The following PPARA variants were observed in gnomAD, a reference collection of about 807,000 sequenced individuals.
PPARA encodes the protein peroxisome proliferator activated receptor alpha.
Under a neutral mutation model 42.2 loss-of-function variants are expected in PPARA, and 22 were observed. The ratio of observed to expected loss-of-function variants is 0.52; its 90% confidence interval spans 0.37 to 0.74. The LOEUF (loss-of-function observed/expected upper bound fraction) is 0.74, where lower values mean the gene tolerates loss of function less well. Ranked by LOEUF, PPARA falls within the 30% of genes least tolerant of loss-of-function variation. The probability of loss-of-function intolerance (pLI) is 0.00; values close to 1 mark genes in which losing one functional copy is unlikely to be tolerated. For synonymous variants in PPARA, 242 were observed against 239.3 expected, an observed-to-expected ratio of 1.01 and a Z score of -0.10; for missense variants, 465 against 608.2, an observed-to-expected ratio of 0.76 and a Z score of 2.48.
rs4253784 is a variant in PPARA, at chr22:46,160,236, G to A, written c.-127+8266G>A. ...ATGCCTTCAAAGTCCCAGGCTTCAC[G>A]TGGGAACAGAGAATGTGAAGAGTAT... is the stretch of plus-strand genomic sequence containing the variant. On this transcript the variant is annotated intron_variant, in intron 2 of 8. Coordinates refer to ENST00000407236, the MANE Select transcript of PPARA (RefSeq NM_005036.6). This position sits in a 1 kb window ranked among gnomAD's most constrained non-coding sequence, Gnocchi z 4.5. Among the ~76,000 whole-genome samples the A allele has an allele frequency of 1.6e-3, 237 of 152,330 alleles. 1 individual carries two copies. The highest frequency in any genetic ancestry group is 2.8e-3 in the Admixed American group (43 of 15,306).
At chr22:46,214,872 T>TA in intron 4 of PPARA, among the ~76,000 whole-genome samples, 1 of 146,672 alleles carries the variant, frequency 6.8e-6, no homozygotes, top group Non-Finnish European at 1.5e-5. Context: ...GGCCCGGAGA[T>TA]ATGCGGGGCG....
At chr22:46,177,993 C>T (rs1601659086) in intron 3 of PPARA, among the ~76,000 whole-genome samples, 1 of 151,972 alleles carries the variant, frequency 6.6e-6, no homozygotes, top group East Asian at 1.9e-4. Context: ...CAGGTTTATA[C>T]CCAGGGAGGT....
Position 46,161,370 on chromosome 22 carries a change from A to C in PPARA, c.-127+9400A>C, listed in dbSNP as rs183114474. Reference sequence around the variant, plus strand: ...TAAAAATTAGAATTCAGGTGAGTGGATCACGAGGTCAAGAGATCGAGACCA... The same window carrying C: ...TAAAAATTAGAATTCAGGTGAGTGGCTCACGAGGTCAAGAGATCGAGACCA... On this transcript the variant is annotated intron_variant, in intron 2 of 8. Transcript: ENST00000407236. This position sits in a 1 kb window ranked among gnomAD's most constrained non-coding sequence, Gnocchi z 4.8. Among the ~76,000 whole-genome samples, 709 of 152,292 alleles carry C rather than the reference A, an allele frequency of 4.7e-3. No individual in the cohort carries two copies. The highest frequency in any genetic ancestry group is 0.01 in the Middle Eastern group (3 of 294).
intron 2 of PPARA, among the ~76,000 whole-genome samples, chr22:46,158,886 CT>C (rs937631997): frequency 6.6e-6 from 1 of 151,834 alleles, no homozygotes; most frequent in Non-Finnish European, 1.5e-5. Flanking sequence ...GATAGTGTCT[CT>C]TTTTTTTGTC....
intron 1 of PPARA, among the ~76,000 whole-genome samples, chr22:46,151,460 G>T (rs1458014840): frequency 6.6e-6 from 1 of 152,256 alleles, no homozygotes; most frequent in Non-Finnish European, 1.5e-5. Context: ...GTGGAAGTCA[G>T]GAGGGTCGGC....
At chr22:46,215,947 C>T (rs1934445912) in intron 5 of PPARA, among the ~76,000 whole-genome samples, 1 of 152,092 alleles carries the variant, frequency 6.6e-6, no homozygotes, top group Non-Finnish European at 1.5e-5. Flanking sequence ...TCCCTCCCCA[C>T]CCCCATCTGT....
At chr22:46,152,854 G>A (rs1184009153) in intron 2 of PPARA, among the ~76,000 whole-genome samples, 1 of 152,144 alleles carries the variant, frequency 6.6e-6, no homozygotes, top group Non-Finnish European at 1.5e-5. Flanking sequence ...GGAAGCTGGG[G>A]TGGGCAGATC....
rs1448721422 is a variant in PPARA, at chr22:46,193,538, C to T, written c.-42-4804C>T. 1.3e-5 allele frequency among the ~76,000 whole-genome samples: 2 copies of T among 152,156 alleles called. No homozygotes were observed. The highest frequency in any genetic ancestry group is 3.9e-4 in the East Asian group (2 of 5,194). On this transcript the variant is annotated intron_variant, in intron 3 of 8. Coordinates refer to ENST00000407236, the MANE Select transcript of PPARA (RefSeq NM_005036.6). The surrounding 1 kb of genome is among the most constrained non-coding windows in gnomAD (Gnocchi z 5.3). ...TTCACATTACATGCCTATGTCAAAG[C>T]ATCTCATGTACCCCATAAATATATA...
Position 46,224,159 on chromosome 22 carries a change from G to C in PPARA, c.711+4145G>C, listed in dbSNP as rs1307533984. 6.6e-6 allele frequency among the ~76,000 whole-genome samples: 1 copy of C among 152,170 alleles called. No individual in the cohort carries two copies. Among genetic ancestry groups the C allele is most frequent in the Non-Finnish European group, 1.5e-5 (1 of 68,040 alleles). On this transcript the variant is annotated intron_variant, in intron 7 of 8. Coordinates refer to ENST00000407236, the MANE Select transcript of PPARA (RefSeq NM_005036.6). This position sits in a 1 kb window ranked among gnomAD's most constrained non-coding sequence, Gnocchi z 5.7. The stretch of plus-strand genomic sequence containing the variant: ...CTCTTTGTGTTTGATCACACTGTTT[G>C]CTCCAAGCCAGGGTTGCGTCCCACC...
intron 2 of PPARA, among the ~76,000 whole-genome samples, chr22:46,159,666 G>A (rs1925856971): frequency 6.6e-6 from 1 of 152,202 alleles, no homozygotes; most frequent in African/African-American, 2.4e-5. Context: ...AGTCTATTCA[G>A]CAAGGTGTTC....
At position 46,215,176 on chromosome 22, in the gene PPARA, C is replaced by G; in HGVS notation, c.212C>G (p.Thr71Arg). The G allele has an allele frequency of 6.2e-7, 1 of 1,613,848 alleles. No homozygotes were observed. The highest frequency in any genetic ancestry group is 8.5e-7 in the Non-Finnish European group (1 of 1,179,974). Reference protein sequence around the residue: ...PGSDGSVITDTLSPASSPSSV... With the variant: ...PGSDGSVITDRLSPASSPSSV... The stretch of plus-strand genomic sequence containing the variant: ...CGTCTCTCCTCTTTTTCCCCAGACA[C>G]GCTTTCACCAGCTTCGAGCCCCTCC... The change falls in exon 5 of 9, where the codon ACG becomes AGG. Residue 71 changes from threonine (T) to arginine (R), a missense_variant. By Grantham distance (71) the Thr-to-Arg change is moderately conservative (BLOSUM62 -1). Coordinates refer to ENST00000407236, the MANE Select transcript of PPARA (RefSeq NM_005036.6).
In PPARA at chr22:46,200,120, C is replaced by G. The variant is rs561976857; in HGVS notation, c.208+1529C>G. ...CATCTCAGCTTTAAGGACTCAGTCA[C>G]CTCCTGAGCAAGATGGAGGGAGAAC... On this transcript the variant is annotated intron_variant, in intron 4 of 8. Coordinates refer to ENST00000407236, the MANE Select transcript of PPARA (RefSeq NM_005036.6). This position sits in a 1 kb window ranked among gnomAD's most constrained non-coding sequence, Gnocchi z 4.8. 6.6e-6 allele frequency among the ~76,000 whole-genome samples: 1 copy of G among 152,330 alleles called. No homozygotes were observed. The highest frequency in any genetic ancestry group is 2.1e-4 in the South Asian group (1 of 4,820).
At chr22:46,197,782 T>G (rs1403264550) in intron 3 of PPARA, among the ~76,000 whole-genome samples, 1 of 151,906 alleles carries the variant, frequency 6.6e-6, no homozygotes, top group Non-Finnish European at 1.5e-5. Context: ...CGGGCACCTG[T>G]AATCCCAACC....
chr22:46,206,431 A>G (rs1364414168), intron 4 of PPARA, among the ~76,000 whole-genome samples: 1 of 152,172 alleles, frequency 6.6e-6, no homozygotes, highest in Non-Finnish European at 1.5e-5. Flanking sequence ...AGTCATTTTT[A>G]AGATTCCACT....
In PPARA at chr22:46,221,687, T is replaced by C. The variant is rs1276423944; in HGVS notation, c.711+1673T>C. On this transcript the variant is annotated intron_variant, in intron 7 of 8. Transcript: ENST00000407236. The surrounding 1 kb of genome is among the most constrained non-coding windows in gnomAD (Gnocchi z 5.9). ...GGTGGCGGGCGCCTGTAGTCTCAGCTACTTGGGAAGCTGAGGCAGGAGAAT... is the reference window on the plus strand; with the variant it reads ...GGTGGCGGGCGCCTGTAGTCTCAGCCACTTGGGAAGCTGAGGCAGGAGAAT... 6.6e-6 allele frequency among the ~76,000 whole-genome samples: 1 copy of C among 152,088 alleles called. No individual in the cohort carries two copies. The highest frequency in any genetic ancestry group is 2.4e-5 in the African/African-American group (1 of 41,412).
intron 4 of PPARA, among the ~76,000 whole-genome samples, chr22:46,213,576 TTTTTCTTTTTTTTTTC>T (rs1424574298): frequency 1.7e-4 from 26 of 150,722 alleles, no homozygotes; most frequent in Non-Finnish European, 5.9e-5. Context: ...GCAAGCTAAC[TTTTTCTTTTTTTTTTC>T]TTTTCTTTTT....
chr22:46,181,946 C>T (rs1439430084), intron 3 of PPARA, among the ~76,000 whole-genome samples: 1 of 152,262 alleles, frequency 6.6e-6, no homozygotes, highest in Non-Finnish European at 1.5e-5. Context: ...TCAAGTGATT[C>T]TCCTGCCTCA....
intron 2 of PPARA, among the ~76,000 whole-genome samples, chr22:46,168,922 A>G (rs776181213): frequency 1.3e-5 from 2 of 151,996 alleles, no homozygotes; most frequent in Non-Finnish European, 2.9e-5. Flanking sequence ...GAAAGAACTC[A>G]AAGTGAAAAA....
chr22:46,183,422 A>G lies in PPARA; in HGVS notation c.-43+6586A>G, dbSNP rs913485097. ...ACTCAACACAGATAAACTGGGAAAGAAAAATAACTTGTGAGTAATTCAGAA... is the reference window on the plus strand; with the variant it reads ...ACTCAACACAGATAAACTGGGAAAGGAAAATAACTTGTGAGTAATTCAGAA... On this transcript the variant is annotated intron_variant, in intron 3 of 8. Transcript: ENST00000407236. This position sits in a 1 kb window ranked among gnomAD's most constrained non-coding sequence, Gnocchi z 5.5. Among the ~76,000 whole-genome samples, 2 of 152,244 alleles carry G rather than the reference A, an allele frequency of 1.3e-5. No homozygotes were observed. Among genetic ancestry groups the G allele is most frequent in the African/African-American group, 4.8e-5 (2 of 41,470 alleles).
Sources: gnomAD v4.1 joint callset for allele counts (sites outside exome capture counted in the v4.1 genomes callset) on GRCh38, gnomAD v4.1.1 for gene constraint, Gnocchi (gnomAD v3.1) non-coding constraint, MANE v1.5 for transcripts, NCBI Gene and HGNC (gene_info 2026-07-23, HGNC 2026-07-21) for gene names.